Variants in MAD1L1 observed in about 807,000 individuals in gnomAD.
MAD1L1 encodes the protein mitotic arrest deficient 1 like 1, also known as mitotic spindle assembly checkpoint protein MAD1.
In MAD1L1, 95 loss-of-function variants were observed where a neutral mutation model predicts 96.9. That is an observed-to-expected ratio of 0.98 (90% CI 0.83 to 1.16). The LOEUF (loss-of-function observed/expected upper bound fraction) is 1.16, where lower values mean the gene tolerates loss of function less well. Ranked by LOEUF, MAD1L1 falls within the 50% of genes most tolerant of loss-of-function variation. The pLI is 0.00. For missense variants in MAD1L1, 1,007 were observed against 954.4 expected, an observed-to-expected ratio of 1.06 and a Z score of -0.73; for synonymous variants, 473 against 396.6, an observed-to-expected ratio of 1.19 and a Z score of -2.29.
At chr7:2,049,852 C>T (rs1267540179) in intron 12 of MAD1L1, among the ~76,000 whole-genome samples, 2 of 151,314 alleles carry the variant, frequency 1.3e-5, no homozygotes, top group South Asian at 2.1e-4. Flanking sequence ...CACACGTTCA[C>T]AGGGCACCTC....
chr7:1,933,362 C>T (rs1168486341), intron 17 of MAD1L1, among the ~76,000 whole-genome samples: 1 of 152,148 alleles, frequency 6.6e-6, no homozygotes, highest in Non-Finnish European at 1.5e-5. Context: ...GAGGTCTTTC[C>T]ACCATAGCCT....
chr7:2,212,840 C>G (rs1478003069), intron 10 of MAD1L1, among the ~76,000 whole-genome samples: 1 of 152,202 alleles, frequency 6.6e-6, no homozygotes, highest in Non-Finnish European at 1.5e-5. Flanking sequence ...CTCAGTTCAT[C>G]TCCACTGGTT....
chr7:2,108,312 G>A (rs1011000338), intron 11 of MAD1L1, among the ~76,000 whole-genome samples: 3 of 152,174 alleles, frequency 2.0e-5, no homozygotes, highest in African/African-American at 4.8e-5. Context: ...GCGCTCCGAC[G>A]GTTTTGGTTT....
chr7:2,019,248 G>A (rs937837764), intron 12 of MAD1L1, among the ~76,000 whole-genome samples: 4 of 152,166 alleles, frequency 2.6e-5, no homozygotes, highest in Non-Finnish European at 4.4e-5. Context: ...ACAGGAGAAG[G>A]CCCTGCTGGG....
At chr7:1,992,734 C>T (rs1781404900) in intron 14 of MAD1L1, among the ~76,000 whole-genome samples, 1 of 152,174 alleles carries the variant, frequency 6.6e-6, no homozygotes, top group African/African-American at 2.4e-5. Flanking sequence ...CAGGCAAAAA[C>T]AAGCCCCCAG....
intron 16 of MAD1L1, among the ~76,000 whole-genome samples, chr7:1,948,235 C>G (rs1779321207): frequency 1.3e-5 from 2 of 152,174 alleles, no homozygotes; most frequent in African/African-American, 4.8e-5. Flanking sequence ...AAACTCCCCA[C>G]AGCCAAGGCG....
At chr7:1,973,737 G>A (rs1429585118) in intron 15 of MAD1L1, among the ~76,000 whole-genome samples, 1 of 152,174 alleles carries the variant, frequency 6.6e-6, no homozygotes, top group East Asian at 1.9e-4. Context: ...GGTCCTGGGG[G>A]TTGAAGACCC....
intron 12 of MAD1L1, among the ~76,000 whole-genome samples, chr7:2,060,271 ATGCCGAGATACG>A (rs2128523049): frequency 6.7e-6 from 1 of 150,066 alleles, no homozygotes; most frequent in African/African-American, 2.4e-5. Flanking sequence ...AGATACGCCG[ATGCCGAGATACG>A]CCGATCCCGA....
chr7:2,060,053 C>T (rs1296812009), intron 12 of MAD1L1, among the ~76,000 whole-genome samples: 3 of 151,914 alleles, frequency 2.0e-5, no homozygotes, highest in African/African-American at 7.3e-5. Flanking sequence ...CGAGATACAC[C>T]GATGCCGAGG....
intron 10 of MAD1L1, among the ~76,000 whole-genome samples, chr7:2,177,038 C>T (rs574161370): frequency 6.6e-6 from 1 of 151,746 alleles, no homozygotes; most frequent in Non-Finnish European, 1.5e-5. Context: ...AGAAATGGTG[C>T]GCTTCAGTGG....
At chr7:2,149,634 C>T (rs956136266) in intron 10 of MAD1L1, among the ~76,000 whole-genome samples, 1 of 152,202 alleles carries the variant, frequency 6.6e-6, no homozygotes, top group Non-Finnish European at 1.5e-5. Context: ...CATATAACAA[C>T]AAGAGTAAAA....
At chr7:2,020,476 C>A (rs1013858494) in intron 12 of MAD1L1, among the ~76,000 whole-genome samples, 1 of 152,218 alleles carries the variant, frequency 6.6e-6, no homozygotes, top group African/African-American at 2.4e-5. Flanking sequence ...GCTGTGAGAC[C>A]GAGCCGCAGG....
chr7:2,037,207 C>CTTT (rs11332091), intron 12 of MAD1L1, among the ~76,000 whole-genome samples: 97 of 133,132 alleles, frequency 7.3e-4, no homozygotes, highest in African/African-American at 2.5e-3. Context: ...ATAGACTCTT[C>CTTT]TTTTTTTTTT....
At chr7:1,902,683 G>A (rs113184268) in intron 17 of MAD1L1, among the ~76,000 whole-genome samples, 3 of 15,404 alleles carry the variant, frequency 1.9e-4, no homozygotes, top group Non-Finnish European at 3.1e-4. Flanking sequence ...GCAGGGAACC[G>A]TCTCAGGCTC....
chr7:1,924,895 G>T (rs1336171882), intron 17 of MAD1L1, among the ~76,000 whole-genome samples: 1 of 151,934 alleles, frequency 6.6e-6, no homozygotes, highest in Admixed American at 6.6e-5. Flanking sequence ...AATTATAAGT[G>T]CACCGTGAAA....
intron 10 of MAD1L1, among the ~76,000 whole-genome samples, chr7:2,159,637 G>T (rs1490181098): frequency 6.6e-6 from 1 of 151,894 alleles, no homozygotes; most frequent in Admixed American, 6.5e-5. Context: ...CTAAGAGAAT[G>T]AGCAAAAAAA....
intron 12 of MAD1L1, among the ~76,000 whole-genome samples, chr7:2,053,465 G>A: frequency 6.6e-6 from 1 of 152,258 alleles, no homozygotes; most frequent in African/African-American, 2.4e-5. Flanking sequence ...GTGAACAAGG[G>A]AGAAAAGGGC....
intron 15 of MAD1L1, among the ~76,000 whole-genome samples, chr7:1,959,678 G>A (rs527473884): frequency 2.3e-4 from 35 of 152,196 alleles, no homozygotes; most frequent in Non-Finnish European, 4.7e-4. Flanking sequence ...AATAAAAACC[G>A]CCACCTTAAC....
chr7:2,208,861 C>T (rs1301392488), intron 10 of MAD1L1, among the ~76,000 whole-genome samples: 2 of 152,118 alleles, frequency 1.3e-5, no homozygotes, highest in Admixed American at 6.5e-5. Flanking sequence ...TAAGTCACTC[C>T]CCGAGACAGA....
Sources: gnomAD v4.1 joint callset for allele counts (sites outside exome capture counted in the v4.1 genomes callset) on GRCh38, gnomAD v4.1.1 for gene constraint, MANE v1.5 for transcripts, NCBI Gene and HGNC (gene_info 2026-07-23, HGNC 2026-07-21) for gene names.